WDR44: variants seen among roughly 807,000 people sequenced by gnomAD.
WDR44 encodes the protein WD repeat domain 44.
A neutral mutation model predicts 65.7 loss-of-function variants in WDR44; 9 were observed. That is an observed-to-expected ratio of 0.14 (90% CI 0.08 to 0.24). The LOEUF (loss-of-function observed/expected upper bound fraction) is 0.24, where lower values mean the gene tolerates loss of function less well. Ranked by LOEUF, WDR44 falls within the 10% of genes least tolerant of loss-of-function variation. The pLI is 1.00. For synonymous variants in WDR44, 220 were observed against 235.2 expected, an observed-to-expected ratio of 0.94 and a Z score of 0.59; for missense variants, 425 against 670.9, an observed-to-expected ratio of 0.63 and a Z score of 4.05.
In WDR44 at chrX:118,346,563, G is replaced by A. The variant is rs763935402; in HGVS notation, c.60G>A (p.Gly20=). 5.0e-6 allele frequency: 6 copies of A among 1,193,752 alleles called. No individual in the cohort carries two copies. The African/African-American group carries it at 8.9e-5, about 18-fold the overall frequency. Residue 20 remains glycine (G), a synonymous_variant, in exon 1 of 20, where the codon GGG becomes GGA. Transcript: ENST00000254029. ...FYDAPEDVHL[G]GGYPVGSPGK... The stretch of plus-strand genomic sequence containing the variant: ...ATGCCCCTGAAGATGTGCACCTAGG[G>A]GGCGGCTACCCCGTGGGGTAAGTGA...
At chrX:118,369,197 A>T (rs2056584427) in intron 1 of WDR44, among the ~76,000 whole-genome samples, 1 of 111,149 alleles carries the variant, frequency 9.0e-6, no homozygotes, top group African/African-American at 3.3e-5. Flanking sequence ...TTTGAGACAG[A>T]GTCTCACTCT....
rs1307776353 is a variant in WDR44, at chrX:118,392,967, A to G, written c.522A>G (p.Glu174=). Residue 174 remains glutamate (E), a synonymous_variant, in exon 4 of 20, where the codon GAA becomes GAG. Coordinates refer to ENST00000254029, the MANE Select transcript of WDR44 (RefSeq NM_019045.5). ...TTAATGTGCTTGAAACTGAAACAGA[A>G]GTATTGAACAAGGAAGCAGTGGAAG... is the stretch of plus-strand genomic sequence containing the variant. ...EQLNVLETET[E]VLNKEAVEVK... 1.7e-6 allele frequency: 2 copies of G among 1,211,002 alleles called. No individual in the cohort carries two copies. The highest frequency in any genetic ancestry group is 3.5e-5 in the African/African-American group (2 of 57,448).
chrX:118,352,008 A>G (rs1231092115), intron 1 of WDR44, among the ~76,000 whole-genome samples: 2 of 109,662 alleles, frequency 1.8e-5, no homozygotes, highest in African/African-American at 6.6e-5. Context: ...TCATGGGGGT[A>G]GGATAGTCCA....
At chrX:118,347,175 C>T (rs2056359443) in intron 1 of WDR44, among the ~76,000 whole-genome samples, 1 of 111,415 alleles carries the variant, frequency 9.0e-6, no homozygotes, top group South Asian at 3.7e-4. Context: ...AAAATAACAC[C>T]TTATCGTGAG....
rs1294165537 is a variant in WDR44 at position 118,398,355 on chromosome X, GCTT to G, written c.1191-28_1191-26del. The G allele has an allele frequency of 1.2e-5, 14 of 1,153,804 alleles. No individual in the cohort carries two copies. The South Asian group carries it at 2.6e-4, about 21-fold the overall frequency. ...ATTTTTAAGAAGTATAGAAGAAATGGCTTCTTTTAAAACAACTTCCCCTTCTTA... is the reference window on the plus strand; with the variant it reads ...ATTTTTAAGAAGTATAGAAGAAATGGCTTTTAAAACAACTTCCCCTTCTTA... On this transcript the variant is annotated intron_variant, in intron 7 of 19. Coordinates refer to ENST00000254029, the MANE Select transcript of WDR44 (RefSeq NM_019045.5).
chrX:118,436,438 A>G, intron 13 of WDR44: 2 of 372,325 alleles, frequency 5.4e-6, no homozygotes, highest in South Asian at 3.0e-5. Context: ...GGTGCCTGGC[A>G]GATTTCTTTA....
At chrX:118,369,690 A>G (rs28491731) in intron 1 of WDR44, among the ~76,000 whole-genome samples, 569 of 103,682 alleles carry the variant, frequency 5.5e-3, no homozygotes, top group Middle Eastern at 0.011. Context: ...GGATGGTCTC[A>G]ATCTCCTGAC....
At chrX:118,408,553 A>G (rs780100371) in intron 10 of WDR44, among the ~76,000 whole-genome samples, 1 of 110,971 alleles carries the variant, frequency 9.0e-6, no homozygotes, top group East Asian at 2.8e-4. Context: ...GCGCACCACC[A>G]TGCCTGGCTA....
intron 1 of WDR44, among the ~76,000 whole-genome samples, chrX:118,376,125 A>T (rs898530166): frequency 9.1e-6 from 1 of 110,470 alleles, no homozygotes; most frequent in African/African-American, 3.3e-5. Flanking sequence ...TTTTGTAGAG[A>T]TGGGGTGTCA....
At chrX:118,447,626 C>T in intron 19 of WDR44, among the ~76,000 whole-genome samples, 1 of 110,432 alleles carries the variant, frequency 9.1e-6, no homozygotes, top group African/African-American at 3.3e-5. Context: ...TGGCTCATGC[C>T]TGTAACCCCA....
chrX:118,398,039 C>T (rs780823250), intron 7 of WDR44, among the ~76,000 whole-genome samples: 22 of 111,059 alleles, frequency 2.0e-4, no homozygotes, highest in African/African-American at 5.9e-4. Flanking sequence ...GAGTTCGACA[C>T]GAGCCTGGGC....
intron 8 of WDR44, among the ~76,000 whole-genome samples, chrX:118,398,916 T>G (rs1569369824): frequency 9.0e-6 from 1 of 110,706 alleles, no homozygotes; most frequent in East Asian, 2.8e-4. Context: ...AAAAAAAAAA[T>G]GGTAATAATA....
intron 1 of WDR44, among the ~76,000 whole-genome samples, chrX:118,374,523 T>C (rs935409501): frequency 8.9e-6 from 1 of 112,094 alleles, no homozygotes; most frequent in Non-Finnish European, 1.9e-5. Flanking sequence ...ATTTAACATA[T>C]ACCTCAAACA....
At chrX:118,412,878 A>G (rs2057023586) in intron 12 of WDR44, among the ~76,000 whole-genome samples, 1 of 111,294 alleles carries the variant, frequency 9.0e-6, no homozygotes, top group Admixed American at 9.6e-5. Flanking sequence ...CCCAAAGTCC[A>G]TTGTATCATT....
rs1451511549 is a variant in WDR44, at chrX:118,393,171, C to T, written c.726C>T (p.Phe242=). 8.3e-7 allele frequency: 1 copy of T among 1,211,885 alleles called. No individual in the cohort carries two copies. Among genetic ancestry groups the T allele is most frequent in the South Asian group, 1.8e-5 (1 of 56,992 alleles). Residue 242 remains phenylalanine (F), a synonymous_variant, in exon 4 of 20, where the codon TTC becomes TTT. Coordinates refer to ENST00000254029, the MANE Select transcript of WDR44 (RefSeq NM_019045.5). The part of the protein sequence containing the change: ...VPARPPPPTN[F]PPPRPPPPSR... ...CACGCCCACCTCCTCCAACTAATTT[C>T]CCACCTCCTAGACCCCCACCTCCTT...
chrX:118,411,359 A>C (rs1359342699), intron 12 of WDR44, among the ~76,000 whole-genome samples: 1 of 112,147 alleles, frequency 8.9e-6, no homozygotes, highest in Non-Finnish European at 1.9e-5. Context: ...TCACAGTTTC[A>C]GATAAGGTAT....
chrX:118,442,531 G>T (rs1474254949), intron 16 of WDR44, 34 bp from the exon 17 acceptor site: 2 of 1,158,693 alleles, frequency 1.7e-6, no homozygotes, highest in Non-Finnish European at 2.4e-6. Flanking sequence ...ACTAAAAGAT[G>T]ATATTTTTAA....
intron 19 of WDR44, chrX:118,447,180 CTT>C: frequency 4.2e-6 from 1 of 237,306 alleles, no homozygotes. Context: ...GCCTTTTTTT[CTT>C]TTCTTTTCTT....
chrX:118,373,025 G>A (rs935229521), intron 1 of WDR44, among the ~76,000 whole-genome samples: 2 of 110,841 alleles, frequency 1.8e-5, no homozygotes, highest in African/African-American at 6.6e-5. Flanking sequence ...GGAGGCGGGG[G>A]TTGCAGTGAG....
Sources: allele counts gnomAD v4.1 joint callset (sites outside exome capture counted in the v4.1 genomes callset), GRCh38; gene constraint gnomAD v4.1.1; transcripts MANE v1.5; gene names NCBI Gene and HGNC (gene_info 2026-07-23, HGNC 2026-07-21).